Variants in CSRNP3 observed in about 807,000 individuals in gnomAD.
CSRNP3 encodes the protein cysteine and serine rich nuclear protein 3, also known as cysteine/serine-rich nuclear protein 3.
CSRNP3 carries 12 observed loss-of-function variants against 48.0 expected under a neutral mutation model. The ratio of observed to expected loss-of-function variants is 0.25; its 90% confidence interval spans 0.16 to 0.41. The LOEUF (loss-of-function observed/expected upper bound fraction) is 0.41, where lower values mean the gene tolerates loss of function less well. Among genes scored for constraint, CSRNP3 ranks in the 10% least tolerant of loss-of-function variants. The probability of loss-of-function intolerance (pLI) is 1.00; values close to 1 mark genes in which losing one functional copy is unlikely to be tolerated. For missense variants in CSRNP3, 580 were observed against 724.4 expected (o/e 0.80, Z 2.29); for synonymous variants, 263 against 269.7 (o/e 0.98, Z 0.24).
chr2:165,653,751 C>G (rs890801271), intron 4 of CSRNP3, among the ~76,000 whole-genome samples: 3 of 151,916 alleles, frequency 2.0e-5, no homozygotes, highest in African/African-American at 7.3e-5. Flanking sequence ...GTGGGTGGAT[C>G]ACCTGAGGTC....
intron 2 of CSRNP3, among the ~76,000 whole-genome samples, chr2:165,507,191 G>A (rs1684438108): frequency 6.6e-6 from 1 of 151,984 alleles, no homozygotes; most frequent in Non-Finnish European, 1.5e-5. Flanking sequence ...AGGATATGTT[G>A]TAAGTCCCAT....
At chr2:165,497,896 A>T (rs1285096356) in intron 2 of CSRNP3, among the ~76,000 whole-genome samples, 1 of 152,110 alleles carries the variant, frequency 6.6e-6, no homozygotes, top group Non-Finnish European at 1.5e-5. Context: ...GCTGTAGCTT[A>T]TATGCCAGCA....
chr2:165,519,272 A>G (rs186556751), intron 3 of CSRNP3, among the ~76,000 whole-genome samples: 1,983 of 150,886 alleles, frequency 0.013, 23 homozygotes, highest in Non-Finnish European at 0.021. Flanking sequence ...CATTGCCTAC[A>G]TTTTTTTTTT....
At chr2:165,618,604 T>C (rs1201378110) in intron 4 of CSRNP3, among the ~76,000 whole-genome samples, 1 of 152,216 alleles carries the variant, frequency 6.6e-6, no homozygotes, top group Non-Finnish European at 1.5e-5. Flanking sequence ...TTACACATAT[T>C]ACACAATTTC....
chr2:165,504,626 A>G (rs1414497122), intron 2 of CSRNP3, among the ~76,000 whole-genome samples: 3 of 152,100 alleles, frequency 2.0e-5, no homozygotes, highest in Non-Finnish European at 2.9e-5. Context: ...GTTCTTATCT[A>G]TAGTATTATT....
chr2:165,568,715 G>A (rs932081786), intron 3 of CSRNP3, among the ~76,000 whole-genome samples: 3 of 152,034 alleles, frequency 2.0e-5, no homozygotes, highest in Non-Finnish European at 4.4e-5. Flanking sequence ...AATAAAGGTG[G>A]AGGAAATTAG....
chr2:165,533,885 C>G (rs1352804119), intron 3 of CSRNP3, among the ~76,000 whole-genome samples: 1 of 151,752 alleles, frequency 6.6e-6, no homozygotes, highest in Non-Finnish European at 1.5e-5. Context: ...TGTAAGAAAA[C>G]TTTTTATAAA....
At chr2:165,525,989 T>C (rs1197729325) in intron 3 of CSRNP3, among the ~76,000 whole-genome samples, 1 of 152,250 alleles carries the variant, frequency 6.6e-6, no homozygotes, top group Non-Finnish European at 1.5e-5. Flanking sequence ...CACTTTTTTA[T>C]AAAAGACTAT....
intron 1 of CSRNP3, among the ~76,000 whole-genome samples, chr2:165,480,362 T>G (rs901507222): frequency 4.6e-5 from 7 of 151,720 alleles, no homozygotes; most frequent in Admixed American, 1.3e-4. Flanking sequence ...ATCGCAGGAG[T>G]GGTATCTCAC....
chr2:165,663,371 C>G (rs1687128971), intron 5 of CSRNP3, among the ~76,000 whole-genome samples: 1 of 152,154 alleles, frequency 6.6e-6, no homozygotes, highest in Non-Finnish European at 1.5e-5. Flanking sequence ...TACTTAGTGT[C>G]AGAGCTTCCG....
intron 3 of CSRNP3, among the ~76,000 whole-genome samples, chr2:165,564,540 A>C (rs1212662521): frequency 6.6e-6 from 1 of 152,018 alleles, no homozygotes; most frequent in East Asian, 1.9e-4. Flanking sequence ...TAAAACACTG[A>C]GATCACAGTG....
At chr2:165,573,681 T>G (rs924335099) in intron 3 of CSRNP3, among the ~76,000 whole-genome samples, 6 of 152,226 alleles carry the variant, frequency 3.9e-5, no homozygotes, top group African/African-American at 9.6e-5. Flanking sequence ...TGATAGTCTC[T>G]AAGACACTTG....
chr2:165,618,607 A>C (rs1686289741), intron 4 of CSRNP3, among the ~76,000 whole-genome samples: 1 of 152,200 alleles, frequency 6.6e-6, no homozygotes, highest in South Asian at 2.1e-4. Flanking sequence ...CACATATTAC[A>C]CAATTTCATA....
chr2:165,671,910 G>GA (rs1320831259), intron 5 of CSRNP3, among the ~76,000 whole-genome samples: 2 of 152,184 alleles, frequency 1.3e-5, no homozygotes, highest in South Asian at 2.1e-4. Context: ...CTAGAGCGGG[G>GA]AAAAAATCCA....
chr2:165,493,470 C>A (rs1684246244), intron 1 of CSRNP3, among the ~76,000 whole-genome samples: 1 of 152,192 alleles, frequency 6.6e-6, no homozygotes, highest in East Asian at 1.9e-4. Flanking sequence ...CTATCCAAAC[C>A]AATCTTGGGC....
At chr2:165,508,510 C>T (rs914034814) in intron 2 of CSRNP3, among the ~76,000 whole-genome samples, 2 of 151,838 alleles carry the variant, frequency 1.3e-5, no homozygotes, top group East Asian at 3.9e-4. Flanking sequence ...ATCTTCTTCC[C>T]CTCTGTCCTT....
intron 4 of CSRNP3, among the ~76,000 whole-genome samples, chr2:165,606,209 G>A (rs1255768535): frequency 1.3e-5 from 2 of 150,764 alleles, no homozygotes; most frequent in Admixed American, 1.3e-4. Context: ...ATGTATTTGG[G>A]TACATTAAAA....
chr2:165,556,986 A>G (rs1439626277), intron 3 of CSRNP3, among the ~76,000 whole-genome samples: 2 of 152,192 alleles, frequency 1.3e-5, no homozygotes, highest in Non-Finnish European at 2.9e-5. Context: ...AAATATCTTT[A>G]ATATTCTCCT....
At chr2:165,653,407 T>A (rs1453901547) in intron 4 of CSRNP3, among the ~76,000 whole-genome samples, 3 of 152,192 alleles carry the variant, frequency 2.0e-5, no homozygotes, top group African/African-American at 7.2e-5. Context: ...TATTCCTAAT[T>A]CCTTTTGACA....
Sources: allele counts gnomAD v4.1 joint callset (sites outside exome capture counted in the v4.1 genomes callset), GRCh38; gene constraint gnomAD v4.1.1; transcripts MANE v1.5; gene names NCBI Gene and HGNC (gene_info 2026-07-23, HGNC 2026-07-21).